FGF12: variants seen among roughly 807,000 people sequenced by gnomAD.
FGF12 encodes the protein fibroblast growth factor 12.
Under a neutral mutation model 23.6 loss-of-function variants are expected in FGF12, and 14 were observed. That is an observed-to-expected ratio of 0.59 (90% CI 0.39 to 0.93). The LOEUF is 0.93. Among genes scored for constraint, FGF12 ranks in the 40% least tolerant of loss-of-function variants. FGF12 has a pLI of 0.00. For missense variants in FGF12, 175 were observed against 217.8 expected, an observed-to-expected ratio of 0.80 and a Z score of 1.24; for synonymous variants, 62 against 77.3, an observed-to-expected ratio of 0.80 and a Z score of 1.04.
intron 4 of FGF12, among the ~76,000 whole-genome samples, chr3:192,326,468 C>A (rs900786903): frequency 6.6e-6 from 1 of 152,042 alleles, no homozygotes; most frequent in Non-Finnish European, 1.5e-5. Context: ...TAGAGATCAC[C>A]ACCCCCAACT....
intron 2 of FGF12, among the ~76,000 whole-genome samples, chr3:192,367,239 T>C (rs1389585064): frequency 1.3e-5 from 2 of 152,180 alleles, no homozygotes; most frequent in Non-Finnish European, 2.9e-5. Context: ...ATCCAGAAAA[T>C]GCAACCTTCT....
At chr3:192,423,789 T>A (rs1721608384) in intron 2 of FGF12, among the ~76,000 whole-genome samples, 1 of 152,172 alleles carries the variant, frequency 6.6e-6, no homozygotes, top group East Asian at 1.9e-4. Context: ...TTTAGGCTTT[T>A]TAAAAAAGTT....
chr3:192,538,593 G>T (rs1294562517), intron 2 of FGF12, among the ~76,000 whole-genome samples: 1 of 152,144 alleles, frequency 6.6e-6, no homozygotes, highest in African/African-American at 2.4e-5. Flanking sequence ...GATAGCTTTA[G>T]CTGGATAATT....
chr3:192,553,811 C>T (rs1203963971), intron 2 of FGF12, among the ~76,000 whole-genome samples: 3 of 152,144 alleles, frequency 2.0e-5, no homozygotes, highest in African/African-American at 7.2e-5. Context: ...TGCGGTGCTG[C>T]CCAAGGAACT....
intron 2 of FGF12, among the ~76,000 whole-genome samples, chr3:192,630,592 G>A (rs1315042029): frequency 5.0e-5 from 7 of 139,064 alleles, no homozygotes; most frequent in Admixed American, 1.5e-4. Flanking sequence ...TTGCTCTGTC[G>A]CCCAGGCTGG....
Position 192,293,653 on chromosome 3 carries a change from T to G in FGF12, c.228+41708A>C, listed in dbSNP as rs187589629. Among the ~76,000 whole-genome samples, 3 of 152,238 alleles carry G rather than the reference T, an allele frequency of 2.0e-5. No homozygotes were observed. The East Asian group carries it at 5.8e-4, about 29-fold the overall frequency. On this transcript the variant is annotated intron_variant, in intron 4 of 5. Coordinates refer to ENST00000445105, the MANE Select transcript of FGF12 (RefSeq NM_004113.6). ...CTGCCATTTATAATTAATTAAAGAT[T>G]TAGAGATTCTGTACCTTTCAAACGT...
intron 4 of FGF12, among the ~76,000 whole-genome samples, chr3:192,213,940 TC>T (rs1718061311): frequency 6.6e-6 from 1 of 152,220 alleles, no homozygotes; most frequent in South Asian, 2.1e-4. Context: ...TTGGGGAACT[TC>T]CTGGAGTACC....
intron 1 of FGF12, 55 bp downstream of exon 1, chr3:192,727,429 T>G: frequency 8.1e-7 from 1 of 1,235,638 alleles, no homozygotes; most frequent in Non-Finnish European, 1.1e-6. Context: ...GACGCGCATC[T>G]GATACTGAAA....
At chr3:192,361,482 T>A (rs1718725366) in intron 2 of FGF12, among the ~76,000 whole-genome samples, 1 of 152,150 alleles carries the variant, frequency 6.6e-6, no homozygotes, top group Admixed American at 6.5e-5. Context: ...AAAATGCTGC[T>A]TCTGGTGATA....
chr3:192,689,680 A>G (rs1030954331), intron 2 of FGF12, among the ~76,000 whole-genome samples: 11 of 152,142 alleles, frequency 7.2e-5, no homozygotes, highest in Admixed American at 6.5e-4. Context: ...CACCATCAAG[A>G]GAGCTATTTT....
intron 2 of FGF12, among the ~76,000 whole-genome samples, chr3:192,628,009 C>A (rs1480581109): frequency 6.6e-6 from 1 of 152,014 alleles, no homozygotes; most frequent in Non-Finnish European, 1.5e-5. Flanking sequence ...TCCCACCCTA[C>A]CAACTGATCT....
chr3:192,298,930 C>A (rs1404438068), intron 4 of FGF12, among the ~76,000 whole-genome samples: 1 of 152,080 alleles, frequency 6.6e-6, no homozygotes, highest in Non-Finnish European at 1.5e-5. Flanking sequence ...ATGTCAGGTT[C>A]TTTTTAACAC....
chr3:192,530,358 A>G (rs1725056116), intron 2 of FGF12, among the ~76,000 whole-genome samples: 1 of 152,148 alleles, frequency 6.6e-6, no homozygotes, highest in Non-Finnish European at 1.5e-5. Context: ...TTGAGATAGA[A>G]TATCTTAATA....
chr3:192,351,565 G>A (rs1331716903), intron 3 of FGF12, among the ~76,000 whole-genome samples: 1 of 152,196 alleles, frequency 6.6e-6, no homozygotes, highest in African/African-American at 2.4e-5. Context: ...GGGGAAAAAA[G>A]TAGATGCATC....
At chr3:192,354,018 G>A (rs1718352348) in intron 3 of FGF12, among the ~76,000 whole-genome samples, 1 of 152,154 alleles carries the variant, frequency 6.6e-6, no homozygotes, top group South Asian at 2.1e-4. Context: ...AAAAGCTTCT[G>A]CTGACTTTGG....
intron 5 of FGF12, among the ~76,000 whole-genome samples, chr3:192,155,187 G>A (rs920808082): frequency 6.1e-5 from 9 of 148,146 alleles, no homozygotes; most frequent in East Asian, 2.0e-4. Context: ...CACGGTGCGC[G>A]CACCCACTGA....
intron 2 of FGF12, among the ~76,000 whole-genome samples, chr3:192,708,693 G>A (rs1234247413): frequency 6.6e-6 from 1 of 152,156 alleles, no homozygotes; most frequent in South Asian, 2.1e-4. Context: ...AGCACAGAAA[G>A]AAATCAACAC....
chr3:192,702,613 C>T (rs934316221), intron 2 of FGF12, among the ~76,000 whole-genome samples: 54 of 151,986 alleles, frequency 3.6e-4, no homozygotes, highest in Admixed American at 2.0e-3. Flanking sequence ...GGCAACATGG[C>T]GAAACCCTAG....
At chr3:192,532,231 G>T (rs1399503738) in intron 2 of FGF12, among the ~76,000 whole-genome samples, 3 of 151,982 alleles carry the variant, frequency 2.0e-5, no homozygotes, top group African/African-American at 7.3e-5. Context: ...TTGGCTGTGT[G>T]GGCTCTTTTT....
Sources: allele counts gnomAD v4.1 joint callset (sites outside exome capture counted in the v4.1 genomes callset), GRCh38; gene constraint gnomAD v4.1.1; transcripts MANE v1.5; gene names NCBI Gene and HGNC (gene_info 2026-07-23, HGNC 2026-07-21).